Variants in DNAH5 observed in about 807,000 individuals in gnomAD.
DNAH5 encodes the protein dynein axonemal heavy chain 5.
Under a neutral mutation model 518.2 loss-of-function variants are expected in DNAH5, and 372 were observed. That is an observed-to-expected ratio of 0.72 (90% CI 0.66 to 0.78). DNAH5 has a LOEUF of 0.78. Ranked by LOEUF, DNAH5 falls within the 30% of genes least tolerant of loss-of-function variation. DNAH5 has a pLI of 0.00. For missense variants in DNAH5, 5,523 were observed against 5,687.0 expected (o/e 0.97, Z 0.93); for synonymous variants, 2,039 against 2,025.9 (o/e 1.01, Z -0.17).
intron 11 of DNAH5, among the ~76,000 whole-genome samples, chr5:13,912,291 A>C (rs912611310): frequency 1.3e-5 from 2 of 152,030 alleles, no homozygotes; most frequent in Admixed American, 1.3e-4. Flanking sequence ...TTAAACATCA[A>C]ATCTCTCAAT....
chr5:13,942,634 C>T (rs1580994543), intron 1 of DNAH5, among the ~76,000 whole-genome samples: 1 of 152,154 alleles, frequency 6.6e-6, no homozygotes, highest in Admixed American at 6.5e-5. Flanking sequence ...CCTCATCCTC[C>T]ACCATCCCCC....
intron 1 of DNAH5, among the ~76,000 whole-genome samples, chr5:13,967,629 T>G (rs79556906): frequency 0.026 from 3,904 of 152,298 alleles, 73 homozygotes; most frequent in South Asian, 0.048. Context: ...AGATTTGTTT[T>G]TTTGTTTGTT....
At chr5:13,917,009 TAA>T in intron 8 of DNAH5, 132 bp downstream of exon 8, 1 of 720,864 alleles carries the variant, frequency 1.4e-6, no homozygotes, top group Non-Finnish European at 2.4e-6. Context: ...TATATATATG[TAA>T]TTTTCTTGAA....
intron 35 of DNAH5, among the ~76,000 whole-genome samples, chr5:13,836,445 A>C (rs1764410981): frequency 6.6e-6 from 1 of 152,096 alleles, no homozygotes. Context: ...AGCAGGTACA[A>C]AGGGACATCC....
chr5:13,782,778 C>T (rs553684344), intron 52 of DNAH5, among the ~76,000 whole-genome samples: 93 of 152,298 alleles, frequency 6.1e-4, no homozygotes, highest in Non-Finnish European at 9.1e-4. Flanking sequence ...GACAAAGGAA[C>T]AGATACATGA....
Position 13,830,168 on chromosome 5 carries a change from C to G in DNAH5, c.6107G>C (p.Arg2036Pro). ...AACCGAGAGAACTGGTAGATCAATA[C>G]GGTTAAATTCATCAAAACAACCCCA... ...GSWGCFDEFN[R>P]IDLPVLSVAA... is the part of the protein sequence containing the mutation. Residue 2036 changes from arginine (R) to proline (P), a missense_variant, in exon 37 of 79, where the codon CGT (arginine) becomes CCT (proline). Around this residue, in one of 3 missense-constraint regions of DNAH5, gnomAD observed 5,121 missense variants for 5,223.3 expected, o/e 0.98. Coordinates refer to ENST00000265104, the MANE Select transcript of DNAH5 (RefSeq NM_001369.3). The G allele has an allele frequency of 6.2e-7, 1 of 1,613,924 alleles. No homozygotes were observed. The highest frequency in any genetic ancestry group is 8.5e-7 in the Non-Finnish European group (1 of 1,179,958).
chr5:13,728,507 A>T (rs1054129762), intron 69 of DNAH5, among the ~76,000 whole-genome samples: 3 of 152,196 alleles, frequency 2.0e-5, no homozygotes, highest in Non-Finnish European at 4.4e-5. Flanking sequence ...TTTCGTGCAT[A>T]AGATATCATC....
intron 1 of DNAH5, among the ~76,000 whole-genome samples, chr5:13,934,345 C>T (rs1778716310): frequency 6.6e-6 from 1 of 152,142 alleles, no homozygotes; most frequent in Admixed American, 6.5e-5. Flanking sequence ...GAAGAACCAC[C>T]CAGCAGAGCC....
chr5:13,982,945 G>A (rs1782791625), intron 1 of DNAH5, among the ~76,000 whole-genome samples: 1 of 152,106 alleles, frequency 6.6e-6, no homozygotes, highest in African/African-American at 2.4e-5. Context: ...CACAACCTTG[G>A]TCTCCTGATT....
chr5:13,820,610 G>A lies in DNAH5; in HGVS notation c.6688-111C>T, dbSNP rs1050441951. ...GAGGCCGAGGCGGGCAGATCACAAG[G>A]TCAGGAGTTCAAGACCAGCCAGGCC... is the stretch of plus-strand genomic sequence containing the variant. On this transcript the variant is annotated intron_variant, in intron 40 of 78. Transcript: ENST00000265104. 5.5e-6 allele frequency: 7 copies of A among 1,282,306 alleles called. No homozygotes were observed. In the African/African-American group the frequency reaches 8.8e-5, roughly 16 times the overall value. The allele number at this position is 1,282,306 out of a possible 1,614,324, so 79.4% of individuals were successfully genotyped here. A position where few individuals can be genotyped will look rare whatever the true frequency, so the allele number is the denominator to read the frequency against.
intron 5 of DNAH5, among the ~76,000 whole-genome samples, chr5:13,920,820 C>T (rs1190876865): frequency 6.6e-6 from 1 of 152,086 alleles, no homozygotes; most frequent in Non-Finnish European, 1.5e-5. Flanking sequence ...TGTGATCCTA[C>T]ACAACCTCAC....
At chr5:13,999,396 A>G (rs1277949807) in intron 1 of DNAH5, among the ~76,000 whole-genome samples, 1 of 151,290 alleles carries the variant, frequency 6.6e-6, no homozygotes, top group Admixed American at 6.6e-5. Flanking sequence ...CCACCATTCC[A>G]CTCTTTGCAT....
chr5:13,702,029 C>CA (rs879662335), intron 76 of DNAH5, among the ~76,000 whole-genome samples: 2 of 152,160 alleles, frequency 1.3e-5, no homozygotes, highest in Non-Finnish European at 2.9e-5. Context: ...CTTGAAGGAG[C>CA]AAAAAATGGA....
At chr5:13,709,983 C>T (rs965003754) in intron 75 of DNAH5, among the ~76,000 whole-genome samples, 1 of 152,136 alleles carries the variant, frequency 6.6e-6, no homozygotes, top group South Asian at 2.1e-4. Context: ...TGGAAAGCAC[C>T]ACCTCCTGAC....
chr5:13,881,198 T>C (rs1023397458), intron 21 of DNAH5, among the ~76,000 whole-genome samples: 1 of 152,064 alleles, frequency 6.6e-6, no homozygotes, highest in Middle Eastern at 3.4e-3. Flanking sequence ...AACACAATAA[T>C]AGTAGGGGAT....
chr5:13,920,459 T>C (rs1777127203), intron 6 of DNAH5, 21 bp downstream of exon 6: 2 of 1,614,042 alleles, frequency 1.2e-6, no homozygotes, highest in Non-Finnish European at 1.7e-6. Flanking sequence ...CTGAAATTGA[T>C]GTTTGGTTTC....
intron 70 of DNAH5, among the ~76,000 whole-genome samples, chr5:13,724,080 G>A (rs1388164570): frequency 1.3e-5 from 2 of 152,224 alleles, no homozygotes; most frequent in South Asian, 4.1e-4. Flanking sequence ...AGATATGCAT[G>A]CATTAGAAAG....
At chr5:13,774,095 T>C (rs1207211845) in intron 55 of DNAH5, among the ~76,000 whole-genome samples, 4 of 152,134 alleles carry the variant, frequency 2.6e-5, no homozygotes, top group Non-Finnish European at 5.9e-5. Context: ...CAGAAATAAA[T>C]GCAACTGTAT....
chr5:13,815,719 G>A (rs1761367157), intron 42 of DNAH5, among the ~76,000 whole-genome samples: 1 of 152,206 alleles, frequency 6.6e-6, no homozygotes. Flanking sequence ...TATGAGGGCA[G>A]TGGGAAAGAC....
Sources: gnomAD v4.1 joint callset for allele counts (sites outside exome capture counted in the v4.1 genomes callset) on GRCh38, gnomAD v4.1.1 for gene constraint, gnomAD v4.1.1 regional missense constraint, MANE v1.5 for transcripts, NCBI Gene and HGNC (gene_info 2026-07-23, HGNC 2026-07-21) for gene names.